BPTF: variants seen among roughly 807,000 people sequenced by gnomAD.
BPTF encodes bromodomain PHD finger transcription factor, also known as nucleosome-remodeling factor subunit BPTF.
Under a neutral mutation model 292.5 loss-of-function variants are expected in BPTF, and 18 were observed. The ratio of observed to expected loss-of-function variants is 0.06; its 90% CI spans 0.04 to 0.09. BPTF has a LOEUF of 0.09. BPTF is among the 10% of genes least tolerant of loss of function. The probability of loss-of-function intolerance (pLI) is 1.00; values close to 1 mark genes in which losing one functional copy is unlikely to be tolerated. For missense variants in BPTF, 2,726 were observed against 3,498.7 expected (o/e 0.78, Z 5.57); for synonymous variants, 1,225 against 1,251.9 (o/e 0.98, Z 0.45).
chr17:67,976,033 AC>A, intron 27 of BPTF, 75 bp downstream of exon 27: 1 of 1,200,288 alleles, frequency 8.3e-7, no homozygotes, highest in Admixed American at 2.6e-5. Flanking sequence ...TAACGATTCA[AC>A]CAGTGCAGTT....
At chr17:67,887,828 T>C (rs2060841816) in intron 4 of BPTF, among the ~76,000 whole-genome samples, 1 of 152,214 alleles carries the variant, frequency 6.6e-6, no homozygotes, top group South Asian at 2.1e-4. Flanking sequence ...ACAGACAGGC[T>C]ATTCCCATGT....
rs782729018 is a variant in BPTF at position 67,982,227 on chromosome 17, G to C, written c.8727-25G>C. On this transcript the variant is annotated intron_variant, in intron 27 of 27. Transcript: ENST00000306378. The stretch of plus-strand genomic sequence containing the variant: ...TTTCAAAAATGAAGGGTGCTTAATT[G>C]TTCCCTTTTTTCTATATTCTGTAGG... The C allele has an allele frequency of 1.9e-6, 3 of 1,604,850 alleles. No homozygotes were observed. In the African/African-American group the frequency reaches 4.0e-5, roughly 22 times the overall value.
At chr17:67,954,148 C>T (rs1330889097) in intron 23 of BPTF, among the ~76,000 whole-genome samples, 1 of 141,334 alleles carries the variant, frequency 7.1e-6, no homozygotes, top group Non-Finnish European at 1.6e-5. Flanking sequence ...GAATGCCATG[C>T]CACCCTGTCT....
At chr17:67,982,091 G>C (rs1401581119) in intron 27 of BPTF, 161 bp from the exon 28 acceptor site, 1 of 685,080 alleles carries the variant, frequency 1.5e-6, no homozygotes, top group Non-Finnish European at 2.7e-6. Flanking sequence ...AATATTATAG[G>C]TTAAAATTTT....
chr17:67,916,579 A>C (rs2063006250), intron 11 of BPTF, among the ~76,000 whole-genome samples: 1 of 151,610 alleles, frequency 6.6e-6, no homozygotes, highest in African/African-American at 2.4e-5. Context: ...GACAAGAGCA[A>C]AACTCCGTCT....
chr17:67,862,753 A>G (rs956081649), intron 2 of BPTF, among the ~76,000 whole-genome samples: 2 of 152,182 alleles, frequency 1.3e-5, no homozygotes, highest in Non-Finnish European at 2.9e-5. Context: ...ATAGAAGTCT[A>G]AACTCAAAGG....
rs370961122 is a variant in BPTF at position 67,827,117 on chromosome 17, C to T, written c.613+780C>T. 5.9e-5 allele frequency among the ~76,000 whole-genome samples: 9 copies of T among 152,194 alleles called. No individual in the cohort carries two copies. In the South Asian group the frequency reaches 1.0e-3, roughly 18 times the overall value. Reference sequence around the variant, plus strand: ...AGTACAAAACTACAGGAACGCGCGTCTTAACTCATTTGATCGCTTTGCCTT... The same window carrying T: ...AGTACAAAACTACAGGAACGCGCGTTTTAACTCATTTGATCGCTTTGCCTT... On this transcript the variant is annotated intron_variant, in intron 1 of 27. Transcript: ENST00000306378.
intron 3 of BPTF, among the ~76,000 whole-genome samples, chr17:67,873,149 A>T (rs150519459): frequency 6.6e-6 from 1 of 152,130 alleles, no homozygotes; most frequent in African/African-American, 2.4e-5. Context: ...AGTACTGTGG[A>T]TATACATGGT....
chr17:67,880,935 G>A (rs965096029), intron 4 of BPTF, among the ~76,000 whole-genome samples: 36 of 140,826 alleles, frequency 2.6e-4, no homozygotes, highest in African/African-American at 6.9e-4. Flanking sequence ...AATTGAAGAG[G>A]GTGTATGTAT....
Position 67,929,422 on chromosome 17 carries a change from A to G in BPTF, c.6085A>G (p.Arg2029Gly), listed in dbSNP as rs747691047. The G allele has an allele frequency of 2.5e-6, 4 of 1,614,200 alleles. No individual in the cohort carries two copies. Among genetic ancestry groups the G allele is most frequent in the Non-Finnish European group, 3.4e-6 (4 of 1,180,028 alleles). ...SQQTFTSFQP[R>G]TATVTIRPNT... ...GCAAACCTTTACTTCATTCCAGCCC[A>G]GGACAGCAACAGTCACAATTAGGCC... The change falls in exon 17 of 28, where the codon AGG becomes GGG. Residue 2029 changes from arginine (R) to glycine (G), a missense_variant. Physicochemically the swap from Arg to Gly is moderately radical, Grantham distance 125 (BLOSUM62 -2). Transcript: ENST00000306378.
chr17:67,976,186 G>T, intron 27 of BPTF: 1 of 311,760 alleles, frequency 3.2e-6, no homozygotes, highest in Non-Finnish European at 5.7e-6. Context: ...GAAAATTCAA[G>T]AAGTGGCCGG....
At chr17:67,943,028 C>T (rs1315751721) in intron 19 of BPTF, among the ~76,000 whole-genome samples, 2 of 151,950 alleles carry the variant, frequency 1.3e-5, no homozygotes, top group African/African-American at 4.8e-5. Context: ...ACCTCAGTGG[C>T]CTTATATATA....
intron 23 of BPTF, among the ~76,000 whole-genome samples, chr17:67,952,323 G>A (rs2066455380): frequency 6.7e-6 from 1 of 149,522 alleles, no homozygotes; most frequent in Non-Finnish European, 1.5e-5. Flanking sequence ...GGAGCGTGTA[G>A]GGCCATCTCC....
At position 67,911,477 on chromosome 17, in the gene BPTF, G is replaced by A. The variant is rs1490155510; in HGVS notation, c.3593G>A (p.Ser1198Asn). 1 of 1,614,074 alleles carries A rather than the reference G, an allele frequency of 6.2e-7. No individual in the cohort carries two copies. The highest frequency in any genetic ancestry group is 1.1e-5 in the South Asian group (1 of 91,076). ...GAAGAAAAAGTCTCTGACCTTGCCA[G>A]TAGAGGCCAGGAACCCAGTAAGAGT... ...DIEEKVSDLA[S>N]RGQEPSKSKT... is the part of the protein sequence containing the mutation. Residue 1198 changes from serine to asparagine, a missense_variant, in exon 11 of 28, where the codon AGT (serine) becomes AAT (asparagine). Ser to Asn is a conservative substitution (Grantham distance 46, BLOSUM62 1). Transcript: ENST00000306378.
intron 26 of BPTF, among the ~76,000 whole-genome samples, chr17:67,969,481 A>G (rs1302779119): frequency 7.0e-6 from 1 of 142,648 alleles, no homozygotes; most frequent in African/African-American, 2.6e-5. Flanking sequence ...AAAAAGAGAT[A>G]GCCATTGCTT....
At chr17:67,896,673 C>A (rs1264230930) in intron 7 of BPTF, among the ~76,000 whole-genome samples, 3 of 152,146 alleles carry the variant, frequency 2.0e-5, no homozygotes, top group Non-Finnish European at 1.5e-5. Flanking sequence ...GGGCTATATG[C>A]TTGAAAGGTA....
At position 67,866,538 on chromosome 17, in the gene BPTF, T is replaced by C. The variant is rs763635292; in HGVS notation, c.1511T>C (p.Ile504Thr). Residue 504 changes from isoleucine (I) to threonine (T), a missense_variant, in exon 3 of 28, where the codon ATT becomes ACT. By Grantham distance (89) the Ile-to-Thr change is moderately conservative. This residue lies in a region of BPTF where 187 missense variants were observed against 201.5 expected (regional missense o/e 0.93). Transcript: ENST00000306378. ...ACAAAGGTCCAACTTGCAGAATTAA[T>C]TGACTGTCTAGACAAAGATTATTGG... ...YSTKVQLAEL[I>T]DCLDKDYWEA... The C allele has an allele frequency of 1.1e-5, 18 of 1,614,036 alleles. No homozygotes were observed.
intron 18 of BPTF, chr17:67,936,478 A>C (rs1473218299): frequency 2.0e-5 from 3 of 152,226 alleles, no homozygotes; most frequent in Non-Finnish European, 4.4e-5. Flanking sequence ...CTATGGATAC[A>C]CAGAGCCTTT....
intron 18 of BPTF, among the ~76,000 whole-genome samples, chr17:67,935,983 C>T (rs2064881151): frequency 6.6e-6 from 1 of 151,944 alleles, no homozygotes; most frequent in Non-Finnish European, 1.5e-5. Flanking sequence ...AATTGAATGT[C>T]TCAATGACAT....
Sources: gnomAD v4.1 joint callset for allele counts (sites outside exome capture counted in the v4.1 genomes callset) on GRCh38, gnomAD v4.1.1 for gene constraint, gnomAD v4.1.1 regional missense constraint, MANE v1.5 for transcripts, NCBI Gene and HGNC (gene_info 2026-07-23, HGNC 2026-07-21) for gene names.